Variants in COL5A2 observed in about 807,000 individuals in gnomAD.
COL5A2 encodes collagen alpha-2(V) chain.
Under a neutral mutation model 208.2 loss-of-function variants are expected in COL5A2, and 23 were observed. The ratio of observed to expected loss-of-function variants is 0.11; its 90% CI spans 0.08 to 0.16. The LOEUF is 0.16. Ranked by LOEUF, COL5A2 falls within the 10% of genes least tolerant of loss-of-function variation. COL5A2 has a pLI of 1.00. For missense variants in COL5A2, 1,590 were observed against 1,956.4 expected, an observed-to-expected ratio of 0.81 and a Z score of 3.53; for synonymous variants, 625 against 628.5, an observed-to-expected ratio of 0.99 and a Z score of 0.08.
the COL5A2 span, among the ~76,000 whole-genome samples, chr2:189,283,800 T>C: frequency 6.6e-6 from 1 of 152,176 alleles, no homozygotes; most frequent in Non-Finnish European, 1.5e-5. Context: ...AAATCTTCCA[T>C]AAATTAAATT....
chr2:189,226,919 G>A (rs564379374), upstream of COL5A2, among the ~76,000 whole-genome samples: 54 of 152,228 alleles, frequency 3.5e-4, no homozygotes, highest in Non-Finnish European at 5.3e-4. Flanking sequence ...CAGATAGGAT[G>A]GTCTGACAGC....
the COL5A2 span, among the ~76,000 whole-genome samples, chr2:189,366,995 T>A: frequency 6.6e-6 from 1 of 152,180 alleles, no homozygotes; most frequent in Non-Finnish European, 1.5e-5. Context: ...GCAGACGATC[T>A]CATTTTATTT....
chr2:189,345,001 A>C, the COL5A2 span, among the ~76,000 whole-genome samples: 1 of 152,214 alleles, frequency 6.6e-6, no homozygotes, highest in African/African-American at 2.4e-5. Context: ...TTCTAAGAGG[A>C]GTATTGCCTG....
intron 1 of COL5A2, among the ~76,000 whole-genome samples, chr2:189,139,513 G>A (rs1461397861): frequency 6.6e-6 from 1 of 152,082 alleles, no homozygotes; most frequent in South Asian, 2.1e-4. Context: ...TAGCCAAAAG[G>A]AGCCTAAGGA....
chr2:189,408,935 C>A, the COL5A2 span, among the ~76,000 whole-genome samples: 169 of 152,234 alleles, frequency 1.1e-3, no homozygotes, highest in African/African-American at 3.7e-3. Context: ...GGTAGTGTGT[C>A]CACAGTCTGA....
At chr2:189,309,495 G>C in the COL5A2 span, among the ~76,000 whole-genome samples, 3 of 152,148 alleles carry the variant, frequency 2.0e-5, no homozygotes, top group Non-Finnish European at 4.4e-5. Context: ...CCCACCCCAA[G>C]GAAATAATCA....
chr2:189,342,958 A>T, the COL5A2 span, among the ~76,000 whole-genome samples: 1 of 152,142 alleles, frequency 6.6e-6, no homozygotes, highest in Non-Finnish European at 1.5e-5. Flanking sequence ...TTCTTATCTT[A>T]CCTTTATCAA....
At chr2:189,306,768 C>T in the COL5A2 span, among the ~76,000 whole-genome samples, 4 of 152,274 alleles carry the variant, frequency 2.6e-5, no homozygotes, top group South Asian at 2.1e-4. Context: ...AGAATAATTC[C>T]GCTTTCTTTC....
At chr2:189,076,796 T>G (rs1686414878) in intron 16 of COL5A2, among the ~76,000 whole-genome samples, 1 of 152,084 alleles carries the variant, frequency 6.6e-6, no homozygotes, top group Admixed American at 6.6e-5. Context: ...ACTGAAGAAC[T>G]TCAGCTGGGC....
At chr2:189,264,194 C>T in the COL5A2 span, among the ~76,000 whole-genome samples, 90 of 151,780 alleles carry the variant, frequency 5.9e-4, 4 homozygotes, top group South Asian at 0.018. Context: ...GAAAATATAA[C>T]AAAATGTGTA....
chr2:189,282,553 G>A, the COL5A2 span, among the ~76,000 whole-genome samples: 1 of 152,158 alleles, frequency 6.6e-6, no homozygotes, highest in African/African-American at 2.4e-5. Context: ...AAACTGATCA[G>A]AGTAAAGAAA....
At chr2:189,324,452 C>A in the COL5A2 span, among the ~76,000 whole-genome samples, 18 of 152,136 alleles carry the variant, frequency 1.2e-4, no homozygotes, top group Non-Finnish European at 4.4e-5. Context: ...CTACAAAGAA[C>A]TCAAACAAAT....
At chr2:189,209,376 G>C (rs1689183319) in intron 1 of COL5A2, among the ~76,000 whole-genome samples, 1 of 152,146 alleles carries the variant, frequency 6.6e-6, no homozygotes, top group Non-Finnish European at 1.5e-5. Context: ...TCCGAGTGAA[G>C]ATTGATTAAA....
rs140578777 is a variant in COL5A2 at position 189,104,408 on chromosome 2, G to T, written c.323-131C>A. The T allele has an allele frequency of 6.2e-4, 429 of 696,476 alleles. 3 individuals are homozygous for T. In the East Asian group the frequency reaches 7.4e-3, roughly 12 times the overall value. The allele number at this position is 696,476 out of a possible 1,614,324, so 43.1% of individuals were successfully genotyped here. A position where few individuals can be genotyped will look rare whatever the true frequency, so the allele number is the denominator to read the frequency against. ...AGTGATAGTGATTACACTATCAGCA[G>T]TAAGCAGAATTCAAAAGGTTTTGGA... On this transcript the variant is annotated intron_variant, in intron 2 of 53. Coordinates refer to ENST00000374866, the MANE Select transcript of COL5A2 (RefSeq NM_000393.5).
chr2:189,212,490 T>A (rs572529355), intron 1 of COL5A2, among the ~76,000 whole-genome samples: 1 of 151,680 alleles, frequency 6.6e-6, no homozygotes, highest in Non-Finnish European at 1.5e-5. Flanking sequence ...ATACAAAAAA[T>A]TAGCTGGGCG....
the COL5A2 span, among the ~76,000 whole-genome samples, chr2:189,282,783 T>G: frequency 6.6e-6 from 1 of 152,174 alleles, no homozygotes; most frequent in East Asian, 1.9e-4. Flanking sequence ...GAGTAGAATA[T>G]TGAGCACAAG....
intron 15 of COL5A2, 145 bp from the exon 16 acceptor site, chr2:189,078,714 A>G: frequency 1.3e-6 from 1 of 797,424 alleles, no homozygotes; most frequent in Non-Finnish European, 2.3e-6. Context: ...GGTTTGAAAA[A>G]CTATCCCCAT....
chr2:189,267,206 C>T, the COL5A2 span, among the ~76,000 whole-genome samples: 1 of 152,022 alleles, frequency 6.6e-6, no homozygotes, highest in African/African-American at 2.4e-5. Context: ...TAATGTAAGA[C>T]ACACATTGCC....
intron 2 of COL5A2, among the ~76,000 whole-genome samples, chr2:189,105,566 A>G (rs1015530487): frequency 2.6e-5 from 4 of 151,356 alleles, no homozygotes; most frequent in Non-Finnish European, 5.9e-5. Flanking sequence ...TATTTTAATT[A>G]TTTATATCTA....
Sources: allele counts gnomAD v4.1 joint callset (sites outside exome capture counted in the v4.1 genomes callset), GRCh38; gene constraint gnomAD v4.1.1; transcripts MANE v1.5; gene names NCBI Gene and HGNC (gene_info 2026-07-23, HGNC 2026-07-21).